KIFC3: variants seen among roughly 807,000 people sequenced by gnomAD.
The protein encoded by KIFC3 is kinesin family member C3.
In KIFC3, 60 loss-of-function variants were observed where a neutral mutation model predicts 101.8. The observed-to-expected ratio is 0.59, with a 90% CI of 0.48 to 0.73. The LOEUF is 0.73. KIFC3 is among the 30% of genes least tolerant of loss of function. KIFC3 has a pLI of 0.00. For missense variants in KIFC3, 966 were observed against 1,137.1 expected, an observed-to-expected ratio of 0.85 and a Z score of 2.16; for synonymous variants, 476 against 482.7, an observed-to-expected ratio of 0.99 and a Z score of 0.18.
intron 3 of KIFC3, chr16:57,774,680 G>A (rs2051794165): frequency 3.0e-6 from 1 of 330,806 alleles, no homozygotes; most frequent in Non-Finnish European, 5.2e-6. Flanking sequence ...ATACCATCAC[G>A]CCCGGCTAAT....
rs1012191911 is a variant in KIFC3, at chr16:57,829,784, G to T, written c.109-31502C>A. On this transcript the variant is annotated intron_variant, in intron 1 of 2. Transcript: ENST00000563028. ...GCTGCAGAGTTGACGTCTGTCCTTG[G>T]AAGGGTCATGGCCAGACGGCCACTC... Among the ~76,000 whole-genome samples, 3 of 152,154 alleles carry T rather than the reference G, an allele frequency of 2.0e-5. No individual in the cohort carries two copies. The South Asian group carries it at 6.2e-4, about 31-fold the overall frequency.
Position 57,798,265 on chromosome 16 carries a change from C to G in KIFC3, c.-22G>C. 1 of 1,550,784 alleles carries G rather than the reference C, an allele frequency of 6.4e-7. No homozygotes were observed. Among genetic ancestry groups the G allele is most frequent in the Non-Finnish European group, 8.7e-7 (1 of 1,148,184 alleles). Reference sequence around the variant, plus strand: ...CCATGGCCTGGGGCTCAGCAGCCTCCTCGGGGCACCAGGCAGCCTGCGGAG... The same window carrying G: ...CCATGGCCTGGGGCTCAGCAGCCTCGTCGGGGCACCAGGCAGCCTGCGGAG... On this transcript the variant is annotated 5_prime_UTR_variant, in exon 2 of 20. Coordinates refer to ENST00000445690, the MANE Select transcript of KIFC3 (RefSeq NM_001130100.2).
At chr16:57,806,484 T>A (rs1005971472), upstream of KIFC3, among the ~76,000 whole-genome samples, 4 of 152,128 alleles carry the variant, frequency 2.6e-5, no homozygotes, top group African/African-American at 9.7e-5. Flanking sequence ...GTGTATACCA[T>A]CTGCTCCTTC....
chr16:57,765,082 G>T (rs2050323560), intron 11 of KIFC3, among the ~76,000 whole-genome samples: 1 of 152,024 alleles, frequency 6.6e-6, no homozygotes, highest in Admixed American at 6.5e-5. Flanking sequence ...GGTGGAAGGG[G>T]CTGTGGATAT....
Position 57,774,853 on chromosome 16 carries a change from G to C in KIFC3, c.316-2565C>G, listed in dbSNP as rs191669157. 3 of 1,358,894 alleles carry C rather than the reference G, an allele frequency of 2.2e-6. No individual in the cohort carries two copies. In the East Asian group the frequency reaches 8.7e-5, roughly 39 times the overall value. 84.2% of individuals were successfully genotyped at this position (1,358,894 alleles called of 1,614,324 possible). On this transcript the variant is annotated intron_variant, in intron 3 of 19. Coordinates refer to ENST00000445690, the MANE Select transcript of KIFC3 (RefSeq NM_001130100.2). The stretch of plus-strand genomic sequence containing the variant: ...GTAATTTTTCAGTCTCAAAGAATAC[G>C]TAATTCCTACTCTCCCTACCCTGAC...
At chr16:57,784,047 C>G (rs141669428) in intron 3 of KIFC3, among the ~76,000 whole-genome samples, 12 of 152,212 alleles carry the variant, frequency 7.9e-5, no homozygotes, top group Admixed American at 2.6e-4. Context: ...GACAAGCCCT[C>G]GAGGCCATGT....
Position 57,798,222 on chromosome 16 carries a change from A to ACGTCCTGCGAGAGGGGACCATGG in KIFC3, c.-2_21dup (p.Trp8ProfsTer56). ...AGCGAGGGCGTGGCTCCCAGGTTCC[A>ACGTCCTGCGAGAGGGGACCATGG]CGTCCTGCGAGAGGGGACCATGGCC... On this transcript the variant is annotated frameshift_variant, in exon 2 of 20. Transcript: ENST00000445690. LOFTEE classifies it high-confidence loss of function. 6.5e-7 allele frequency: 1 copy of ACGTCCTGCGAGAGGGGACCATGG among 1,549,886 alleles called. No individual in the cohort carries two copies. Among genetic ancestry groups the ACGTCCTGCGAGAGGGGACCATGG allele is most frequent in the Non-Finnish European group, 8.7e-7 (1 of 1,147,620 alleles).
intron 3 of KIFC3, among the ~76,000 whole-genome samples, chr16:57,783,339 G>A (rs1175605293): frequency 5.9e-5 from 9 of 152,062 alleles, no homozygotes; most frequent in Admixed American, 1.3e-4. Context: ...TGATGAAGAC[G>A]TTTGGCAATG....
chr16:57,772,011 T>C (rs1292381358), intron 4 of KIFC3, among the ~76,000 whole-genome samples: 12 of 151,914 alleles, frequency 7.9e-5, no homozygotes, highest in Admixed American at 5.9e-4. Flanking sequence ...TCCCGTTTAA[T>C]GTCAGCAACA....
At chr16:57,798,570 G>A in intron 1 of KIFC3, 1 of 512,420 alleles carries the variant, frequency 2.0e-6, no homozygotes, top group Non-Finnish European at 3.5e-6. Flanking sequence ...TGAGCCTGGA[G>A]CCTGAGGACA....
In KIFC3 at chr16:57,758,467, G is replaced by T. The variant is rs1228789232; in HGVS notation, c.*467C>A. 9 of 398,536 alleles carry T rather than the reference G, an allele frequency of 2.3e-5. No homozygotes were observed. The highest frequency in any genetic ancestry group is 4.3e-5 in the Non-Finnish European group (9 of 208,054). The allele number at this position is 398,536 out of a possible 1,614,324, so 24.7% of individuals were successfully genotyped here. ...TCCTTGAAGGAGAGGGGCGGGGAGG[G>T]CTGCCATTGGTGCCACCAACCCACC... On this transcript the variant is annotated 3_prime_UTR_variant, in exon 20 of 20. Coordinates refer to ENST00000445690, the MANE Select transcript of KIFC3 (RefSeq NM_001130100.2).
chr16:57,845,926 A>G (rs1361675877), intron 1 of KIFC3, among the ~76,000 whole-genome samples: 1 of 152,172 alleles, frequency 6.6e-6, no homozygotes, highest in Non-Finnish European at 1.5e-5. Flanking sequence ...GTTTAAACTT[A>G]CAGAGGGTTC....
chr16:57,852,914 G>T (rs903352797), intron 1 of KIFC3, among the ~76,000 whole-genome samples: 1 of 151,970 alleles, frequency 6.6e-6, no homozygotes, highest in African/African-American at 2.4e-5. Flanking sequence ...AACTTTCCTT[G>T]TAGAATTTCT....
chr16:57,852,573 A>T (rs2056080007), intron 1 of KIFC3, among the ~76,000 whole-genome samples: 1 of 152,144 alleles, frequency 6.6e-6, no homozygotes, highest in Non-Finnish European at 1.5e-5. Flanking sequence ...CTCTTCTATT[A>T]TCTTTATCCT....
chr16:57,770,793 C>T (rs577278055), intron 6 of KIFC3, 93 bp from the exon 7 acceptor site: 166 of 1,112,064 alleles, frequency 1.5e-4, no homozygotes, highest in Non-Finnish European at 2.0e-4. Context: ...AAGGAACTCT[C>T]GGGAACATCC....
intron 1 of KIFC3, among the ~76,000 whole-genome samples, chr16:57,847,243 GAA>G (rs2055942154): frequency 7.8e-5 from 8 of 102,904 alleles, no homozygotes; most frequent in Non-Finnish European, 1.3e-4. Context: ...AGGAAGGAAG[GAA>G]GGAAGGAAGG....
chr16:57,761,414 T>C lies in KIFC3; in HGVS notation c.1871A>G (p.Lys624Arg), dbSNP rs782787022. 7 of 1,613,992 alleles carry C rather than the reference T, an allele frequency of 4.3e-6. No individual in the cohort carries two copies. Among genetic ancestry groups the C allele is most frequent in the Non-Finnish European group, 5.1e-6 (6 of 1,179,920 alleles). The stretch of plus-strand genomic sequence containing the variant: ...GGTCAGGGGCTCCCGCCTCCACACC[T>C]TGTTGATGTCGTCCACGCTCTGCAC... Reference protein sequence around the residue: ...FQVQSVDDINKVFEFGHTNRT... With the variant: ...FQVQSVDDINRVFEFGHTNRT... The change falls in exon 14 of 20, where the codon AAG (lysine) becomes AGG (arginine). Residue 624 changes from lysine to arginine, a missense_variant and splice_region_variant. This residue lies in a region of KIFC3 where 689 missense variants were observed against 884.6 expected (regional missense o/e 0.78). Transcript: ENST00000445690.
At chr16:57,862,757 A>G (rs1300196518) in exon 1 of KIFC3, 1 of 1,289,310 alleles carries the variant, frequency 7.8e-7, no homozygotes, top group Non-Finnish European at 1.0e-6. Context: ...ACCAGCCTCC[A>G]ATCTGAGGGT....
rs1473966046 is a variant in KIFC3, at chr16:57,802,091, G to C, written c.-40+279C>G. ...CCCGGGTAGGGTCTGCGCTCTTCTCGTTCAATAAAATCCAAACGGGGTCCC... is the reference window on the plus strand; with the variant it reads ...CCCGGGTAGGGTCTGCGCTCTTCTCCTTCAATAAAATCCAAACGGGGTCCC... On this transcript the variant is annotated intron_variant, in intron 1 of 19. Coordinates refer to ENST00000445690, the MANE Select transcript of KIFC3 (RefSeq NM_001130100.2). This position sits in a 1 kb window ranked among gnomAD's most constrained non-coding sequence, Gnocchi z 5.0. 3.3e-5 allele frequency among the ~76,000 whole-genome samples: 5 copies of C among 152,226 alleles called. No homozygotes were observed. The highest frequency in any genetic ancestry group is 7.4e-5 in the Non-Finnish European group (5 of 68,018).
Sources: allele counts gnomAD v4.1 joint callset (sites outside exome capture counted in the v4.1 genomes callset), GRCh38; gene constraint gnomAD v4.1.1; regional missense constraint gnomAD v4.1.1; non-coding constraint Gnocchi (gnomAD v3.1); transcripts MANE v1.5; gene names NCBI Gene and HGNC (gene_info 2026-07-23, HGNC 2026-07-21).